AQP12A: variants seen among roughly 807,000 people sequenced by gnomAD.
The protein encoded by AQP12A is aquaporin 12A, also known as putative aquaporin-12A.
AQP12A carries 11 observed loss-of-function variants against 12.2 expected under a neutral mutation model. The ratio of observed to expected loss-of-function variants is 0.90; its 90% confidence interval spans 0.57 to 1.49. AQP12A has a LOEUF of 1.49. AQP12A is among the 40% of genes most tolerant of loss of function. The pLI is 0.00. For synonymous variants in AQP12A, 101 were observed against 127.1 expected, an observed-to-expected ratio of 0.79 and a Z score of 1.38; for missense variants, 203 against 260.8, an observed-to-expected ratio of 0.78 and a Z score of 1.53.
Position 240,691,875 on chromosome 2 carries a change from G to A in AQP12A, c.-39G>A. 2 of 1,587,446 alleles carry A rather than the reference G, an allele frequency of 1.3e-6. No homozygotes were observed. Among genetic ancestry groups the A allele is most frequent in the South Asian group, 1.1e-5 (1 of 88,792 alleles). Reference sequence around the variant, plus strand: ...AGCCAGCTCCTGCTCTGTCCCCTCAGGTGTCCTGCAGGCACAGCTCCTCGG... The same window carrying A: ...AGCCAGCTCCTGCTCTGTCCCCTCAAGTGTCCTGCAGGCACAGCTCCTCGG... On this transcript the variant is annotated 5_prime_UTR_variant, in exon 1 of 4. Coordinates refer to ENST00000337801, the MANE Select transcript of AQP12A (RefSeq NM_198998.3).
Position 240,692,182 on chromosome 2 carries a change from G to C in AQP12A, c.232G>C (p.Ala78Pro). 6.3e-7 allele frequency: 1 copy of C among 1,582,408 alleles called. No individual in the cohort carries two copies. Among genetic ancestry groups the C allele is most frequent in the Non-Finnish European group, 8.6e-7 (1 of 1,168,050 alleles). Residue 78 changes from alanine (A) to proline (P), a missense_variant, in exon 2 of 4, where the codon GCC becomes CCC. Physicochemically the swap from Ala to Pro is conservative, Grantham distance 27. Coordinates refer to ENST00000337801, the MANE Select transcript of AQP12A (RefSeq NM_198998.3). ...FLAHGVTLDG[A>P]SANPTVSLQE... ...GGCGCACGGGGTCACCTTGGACGGG[G>C]CCTCGGCCAACCCCACTGTGTCCCT...
Position 240,691,955 on chromosome 2 carries a change from C to A in AQP12A, c.42C>A (p.Thr14=). The stretch of plus-strand genomic sequence containing the variant: ...TGTCCCTCTCCTTCTTCTTTGCCAC[C>A]TTCGCCCTCTGTGAGGCGGCCAGGC... ...LNVSLSFFFA[T]FALCEAARRA... Residue 14 remains threonine, a synonymous_variant, in exon 1 of 4, where the codon ACC becomes ACA. Coordinates refer to ENST00000337801, the MANE Select transcript of AQP12A (RefSeq NM_198998.3). The A allele has an allele frequency of 6.3e-7, 1 of 1,596,756 alleles. No individual in the cohort carries two copies. The highest frequency in any genetic ancestry group is 8.5e-7 in the Non-Finnish European group (1 of 1,174,686).
At chr2:240,693,872 G>T (rs867995805) in intron 2 of AQP12A, among the ~76,000 whole-genome samples, 8,236 of 46,244 alleles carry the variant, frequency 0.18, 724 homozygotes, top group Middle Eastern at 0.24. Context: ...CTCTCTCTCT[G>T]TCTCTCCTCT....
In AQP12A at chr2:240,692,378, T is replaced by C. The variant is rs2044076522; in HGVS notation, c.428T>C (p.Leu143Pro). 6.6e-7 allele frequency: 1 copy of C among 1,521,326 alleles called. No individual in the cohort carries two copies. Among genetic ancestry groups the C allele is most frequent in the African/African-American group, 1.5e-5 (1 of 67,418 alleles). 94.2% of individuals were successfully genotyped at this position (1,521,326 alleles called of 1,614,324 possible). The change falls in exon 2 of 4, where the codon CTG (leucine) becomes CCG (proline). Residue 143 changes from leucine to proline, a missense_variant. Physicochemically the swap from Leu to Pro is moderately conservative, Grantham distance 98 (BLOSUM62 -3). This residue lies in a region of AQP12A where 191 missense variants were observed against 197.1 expected (regional missense o/e 0.97). Transcript: ENST00000337801. ...SLMAQSCSSA[L>P]RTSVPHGALV... Reference sequence around the variant, plus strand: ...ATGGCCCAGAGCTGCAGCTCGGCCCTGCGCACATCCGTGCCCCACGGGGCG... The same window carrying C: ...ATGGCCCAGAGCTGCAGCTCGGCCCCGCGCACATCCGTGCCCCACGGGGCG...
At chr2:240,692,672 C>A (rs1264588646) in intron 2 of AQP12A, 151 bp downstream of exon 2, 1 of 596,346 alleles carries the variant, frequency 1.7e-6, no homozygotes, top group Non-Finnish European at 2.9e-6. Context: ...TTCCTGGGAT[C>A]TGGCGGGTAG....
rs533085451 is a variant in AQP12A, at chr2:240,691,929, G to A, written c.16G>A (p.Val6Met). Residue 6 changes from valine to methionine, a missense_variant, in exon 1 of 4, where the codon GTG becomes ATG. Val to Met is a conservative substitution (Grantham distance 21). Around this residue, in one of 2 missense-constraint regions of AQP12A, gnomAD observed 191 missense variants for 197.1 expected, o/e 0.97. Coordinates refer to ENST00000337801, the MANE Select transcript of AQP12A (RefSeq NM_198998.3). MAGLN[V>M]SLSFFFATFA... ...GCCCAGGCCGATGGCAGGTCTTAAC[G>A]TGTCCCTCTCCTTCTTCTTTGCCAC... is the stretch of plus-strand genomic sequence containing the variant. The A allele has an allele frequency of 7.3e-5, 116 of 1,595,700 alleles. 11 individuals are homozygous for A. In the South Asian group the frequency reaches 1.2e-3, roughly 16 times the overall value.
chr2:240,692,269 G>A lies in AQP12A; in HGVS notation c.319G>A (p.Gly107Arg). The A allele has an allele frequency of 6.3e-7, 1 of 1,578,842 alleles. No homozygotes were observed. The highest frequency in any genetic ancestry group is 8.6e-7 in the Non-Finnish European group (1 of 1,167,488). The stretch of plus-strand genomic sequence containing the variant: ...CACGCTGTTGAAGCTGGCGGCACAG[G>A]GGCTGGGCATGCAGGCCGCCTGCAC... ...PGTLLKLAAQ[G>R]LGMQAACTLM... The change falls in exon 2 of 4, where the codon GGG becomes AGG. Residue 107 changes from glycine (G) to arginine (R), a missense_variant. Coordinates refer to ENST00000337801, the MANE Select transcript of AQP12A (RefSeq NM_198998.3).
chr2:240,692,724 G>A (rs2044081802), intron 2 of AQP12A, among the ~76,000 whole-genome samples: 1 of 150,930 alleles, frequency 6.6e-6, no homozygotes, highest in Admixed American at 6.6e-5. Context: ...GGAGCAGCCT[G>A]TCCCCTGCCA....
Position 240,693,990 on chromosome 2 carries a change from C to T in AQP12A, c.572-443C>T, listed in dbSNP as rs944161741. 7.4e-5 allele frequency among the ~76,000 whole-genome samples: 6 copies of T among 81,008 alleles called. 1 individual carries two copies. The Admixed American group carries it at 9.8e-4, about 13-fold the overall frequency. The allele number at this position is 81,008 out of a possible 152,430, so 53.1% of individuals were successfully genotyped here. On this transcript the variant is annotated intron_variant, in intron 2 of 3. Transcript: ENST00000337801. ...TCTCTCCTCTCTCTCTCTGTCTCTC[C>T]TCTCTCTCTCTGTCTCTCCTCTCTC...
intron 2 of AQP12A, among the ~76,000 whole-genome samples, chr2:240,693,399 A>G: frequency 6.6e-6 from 1 of 152,286 alleles, no homozygotes; most frequent in Non-Finnish European, 1.5e-5. Context: ...GGCACGGGTG[A>G]GCGGGAGCTC....
rs758482270 is a variant in AQP12A, at chr2:240,692,331, C to T, written c.381C>T (p.Asp127=). 1 of 1,573,844 alleles carries T rather than the reference C, an allele frequency of 6.4e-7. No individual in the cohort carries two copies. The highest frequency in any genetic ancestry group is 1.4e-5 in the African/African-American group (1 of 69,112). Residue 127 remains aspartate, a synonymous_variant, in exon 2 of 4, where the codon GAC becomes GAT. Transcript: ENST00000337801. ...MRLCWAWELS[D]LHLLQSLMAQ... is the part of the protein sequence containing the mutation. ...TCTGCTGGGCCTGGGAGCTCAGTGA[C>T]CTGCACCTGCTGCAGAGCCTCATGG...
rs1344328405 is a variant in AQP12A at position 240,692,085 on chromosome 2, G to T, written c.135G>T (p.Leu45=). 6.3e-7 allele frequency: 1 copy of T among 1,582,050 alleles called. No homozygotes were observed. Among genetic ancestry groups the T allele is most frequent in the Non-Finnish European group, 8.6e-7 (1 of 1,167,938 alleles). Residue 45 remains leucine (L), a synonymous_variant, in exon 2 of 4, where the codon CTG becomes CTT. Coordinates refer to ENST00000337801, the MANE Select transcript of AQP12A (RefSeq NM_198998.3). Reference sequence around the variant, plus strand: ...CCTGCTGCCTGGAGATGAGGACGCTGGTCGAGCTCGGGCCCTGGGCTGGGG... The same window carrying T: ...CCTGCTGCCTGGAGATGAGGACGCTTGTCGAGCTCGGGCCCTGGGCTGGGG... ...EVFAREAMRT[L]VELGPWAGDF...
Position 240,692,182 on chromosome 2 carries a change from G to A in AQP12A, c.232G>A (p.Ala78Thr), listed in dbSNP as rs749282730. Reference sequence around the variant, plus strand: ...GGCGCACGGGGTCACCTTGGACGGGGCCTCGGCCAACCCCACTGTGTCCCT... The same window carrying A: ...GGCGCACGGGGTCACCTTGGACGGGACCTCGGCCAACCCCACTGTGTCCCT... ...FLAHGVTLDG[A>T]SANPTVSLQE... Residue 78 changes from alanine to threonine, a missense_variant, in exon 2 of 4, where the codon GCC becomes ACC. By Grantham distance (58) the Ala-to-Thr change is moderately conservative. Transcript: ENST00000337801. 1 of 1,582,406 alleles carries A rather than the reference G, an allele frequency of 6.3e-7. No individual in the cohort carries two copies. Among genetic ancestry groups the A allele is most frequent in the Admixed American group, 1.9e-5 (1 of 52,712 alleles).
chr2:240,692,012 C>T lies in AQP12A; in HGVS notation c.99C>T (p.Ala33=), dbSNP rs1358557843. The T allele has an allele frequency of 1.3e-5, 20 of 1,587,296 alleles. No individual in the cohort carries two copies. Among genetic ancestry groups the T allele is most frequent in the Non-Finnish European group, 1.7e-5 (20 of 1,168,764 alleles). The stretch of plus-strand genomic sequence containing the variant: ...CCAAGGCCCTGCTCCCAGTGGGCGC[C>T]TATGAAGTCTTCGCCCGGGAGGCGG... ...RASKALLPVG[A]YEVFAREAMR... The change falls in exon 1 of 4, where the codon GCC becomes GCT. Residue 33 remains alanine (A), a synonymous_variant. Coordinates refer to ENST00000337801, the MANE Select transcript of AQP12A (RefSeq NM_198998.3).
At chr2:240,693,324 C>T (rs1231674270) in intron 2 of AQP12A, among the ~76,000 whole-genome samples, 1,364 of 150,394 alleles carry the variant, frequency 9.1e-3, no homozygotes, top group South Asian at 0.019. Flanking sequence ...GCAGACACCA[C>T]GGAATCTGGA....
At chr2:240,692,721 C>G (rs1217277316) in intron 2 of AQP12A, among the ~76,000 whole-genome samples, 200 bp downstream of exon 2, 1 of 150,922 alleles carries the variant, frequency 6.6e-6, no homozygotes, top group Non-Finnish European at 1.5e-5. Flanking sequence ...GGTGGAGCAG[C>G]CTGTCCCCTG....
At chr2:240,693,301 G>A (rs532161589) in intron 2 of AQP12A, among the ~76,000 whole-genome samples, 1,239 of 152,278 alleles carry the variant, frequency 8.1e-3, no homozygotes, top group African/African-American at 0.029. Context: ...CACTGCCCAC[G>A]ACCCAGCACT....
chr2:240,692,688 G>A (rs2044081284), intron 2 of AQP12A, among the ~76,000 whole-genome samples, 167 bp downstream of exon 2: 1 of 150,582 alleles, frequency 6.6e-6, no homozygotes, highest in African/African-American at 2.5e-5. Context: ...GGTAGACGAG[G>A]GCCTGCGCTG....
rs749008298 is a variant in AQP12A, at chr2:240,692,361, G to C, written c.411G>C (p.Gln137His). ...DLHLLQSLMA[Q>H]SCSSALRTSV... ...ACCTGCTGCAGAGCCTCATGGCCCA[G>C]AGCTGCAGCTCGGCCCTGCGCACAT... Residue 137 changes from glutamine to histidine, a missense_variant, in exon 2 of 4, where the codon CAG becomes CAC. Coordinates refer to ENST00000337801, the MANE Select transcript of AQP12A (RefSeq NM_198998.3). 6.5e-6 allele frequency: 10 copies of C among 1,546,130 alleles called. No homozygotes were observed. Among genetic ancestry groups the C allele is most frequent in the Non-Finnish European group, 7.8e-6 (9 of 1,153,316 alleles).
Sources: allele counts gnomAD v4.1 joint callset (sites outside exome capture counted in the v4.1 genomes callset), GRCh38; gene constraint gnomAD v4.1.1; regional missense constraint gnomAD v4.1.1; transcripts MANE v1.5; gene names NCBI Gene and HGNC (gene_info 2026-07-23, HGNC 2026-07-21).